The following DIAPH2 variants were observed in gnomAD, a reference collection of about 807,000 sequenced individuals.
The protein encoded by DIAPH2 is diaphanous related formin 2.
DIAPH2 carries 35 observed loss-of-function variants against 92.7 expected under a neutral mutation model. The observed-to-expected ratio is 0.38, with a 90% CI of 0.29 to 0.50. DIAPH2 has a LOEUF of 0.50. Ranked by LOEUF, DIAPH2 falls within the 20% of genes least tolerant of loss-of-function variation. The pLI, the probability that DIAPH2 is intolerant of heterozygous loss-of-function variation, is 0.94. For synonymous variants in DIAPH2, 301 were observed against 280.4 expected, an observed-to-expected ratio of 1.07 and a Z score of -0.73; for missense variants, 701 against 819.5, an observed-to-expected ratio of 0.86 and a Z score of 1.77.
chrX:97,545,533 A>AAAAAAT (rs1260118151), intron 26 of DIAPH2, among the ~76,000 whole-genome samples: 17 of 79,338 alleles, frequency 2.1e-4, no homozygotes, highest in African/African-American at 8.4e-4. Context: ...AAAAAAAAAA[A>AAAAAAT]ATATATATAT....
At chrX:96,920,458 TTAAA>T in intron 9 of DIAPH2, among the ~76,000 whole-genome samples, 1 of 112,302 alleles carries the variant, frequency 8.9e-6, no homozygotes, top group South Asian at 3.7e-4. Context: ...AAAATCTTCT[TTAAA>T]TAAATTTTTA....
At chrX:97,379,820 T>C (rs950143414) in intron 24 of DIAPH2, among the ~76,000 whole-genome samples, 1 of 111,801 alleles carries the variant, frequency 8.9e-6, no homozygotes, top group Non-Finnish European at 1.9e-5. Flanking sequence ...TTTTCAAATA[T>C]CAAGGCAAGG....
At chrX:96,903,985 G>C (rs2065416317) in intron 5 of DIAPH2, among the ~76,000 whole-genome samples, 1 of 112,359 alleles carries the variant, frequency 8.9e-6, no homozygotes, top group South Asian at 3.6e-4. Context: ...TTGTAAATAT[G>C]TAAGAGGAAT....
At chrX:97,044,243 T>C (rs745542642) in intron 17 of DIAPH2, among the ~76,000 whole-genome samples, 10 of 111,824 alleles carry the variant, frequency 8.9e-5, no homozygotes, top group African/African-American at 3.2e-4. Flanking sequence ...ATTTTTTTTT[T>C]GGTCAAACCC....
intron 23 of DIAPH2, among the ~76,000 whole-genome samples, chrX:97,251,169 T>C (rs1292535999): frequency 8.9e-6 from 1 of 111,986 alleles, no homozygotes; most frequent in Non-Finnish European, 1.9e-5. Context: ...TATAATACCA[T>C]ATTAACAAGA....
chrX:97,100,279 T>C (rs2066897656), intron 20 of DIAPH2, among the ~76,000 whole-genome samples: 1 of 111,671 alleles, frequency 9.0e-6, no homozygotes, highest in Non-Finnish European at 1.9e-5. Flanking sequence ...CATTAATTGA[T>C]TTAAAGCTTA....
intron 26 of DIAPH2, among the ~76,000 whole-genome samples, chrX:97,462,169 T>C (rs1387515446): frequency 2.7e-5 from 3 of 111,933 alleles, no homozygotes; most frequent in Admixed American, 9.5e-5. Flanking sequence ...AGCTCACATA[T>C]CCTTTTAAAT....
intron 4 of DIAPH2, among the ~76,000 whole-genome samples, chrX:96,812,907 CT>C (rs760868052): frequency 9.0e-6 from 1 of 111,701 alleles, no homozygotes; most frequent in Non-Finnish European, 1.9e-5. Context: ...GATTTCTGTT[CT>C]TTTACATTTG....
At chrX:96,862,612 C>T (rs1243259551) in intron 4 of DIAPH2, among the ~76,000 whole-genome samples, 2 of 111,989 alleles carry the variant, frequency 1.8e-5, no homozygotes, top group Non-Finnish European at 3.8e-5. Flanking sequence ...TTGACCATAT[C>T]TGGAATTTGA....
intron 26 of DIAPH2, among the ~76,000 whole-genome samples, chrX:97,584,740 G>T (rs1254820222): frequency 8.9e-6 from 1 of 112,505 alleles, no homozygotes; most frequent in East Asian, 2.8e-4. Flanking sequence ...TGAAGAGAAG[G>T]CTAGGATTGG....
chrX:96,966,440 C>T (rs1317365630), intron 17 of DIAPH2, among the ~76,000 whole-genome samples: 1 of 112,299 alleles, frequency 8.9e-6, no homozygotes, highest in Non-Finnish European at 1.9e-5. Flanking sequence ...CCTTCAATCT[C>T]AGACTTACAG....
intron 17 of DIAPH2, among the ~76,000 whole-genome samples, chrX:97,033,279 C>G (rs2066388696): frequency 8.9e-6 from 1 of 111,889 alleles, no homozygotes; most frequent in Admixed American, 9.4e-5. Flanking sequence ...AAACCAGTTT[C>G]CAACTTTAAA....
intron 26 of DIAPH2, among the ~76,000 whole-genome samples, chrX:97,485,067 A>G (rs764251522): frequency 9.0e-6 from 1 of 111,724 alleles, no homozygotes. Flanking sequence ...TGAATGTGTA[A>G]TTAAAGACCA....
chrX:96,760,151 G>A (rs764321536), intron 4 of DIAPH2, among the ~76,000 whole-genome samples: 9 of 110,885 alleles, frequency 8.1e-5, no homozygotes, highest in South Asian at 3.7e-4. Flanking sequence ...AATATTTTTC[G>A]TGGGCCAGAT....
At chrX:97,424,596 G>T (rs1053124432) in intron 25 of DIAPH2, among the ~76,000 whole-genome samples, 2 of 101,183 alleles carry the variant, frequency 2.0e-5, no homozygotes. Flanking sequence ...TTAAGCAAAG[G>T]TATTTATTTT....
chrX:96,972,716 TA>T (rs775850894), intron 17 of DIAPH2, among the ~76,000 whole-genome samples: 60 of 110,956 alleles, frequency 5.4e-4, no homozygotes, highest in Middle Eastern at 9.2e-3. Context: ...ATGGAGATCC[TA>T]GAGGTAGTAT....
At chrX:97,385,107 C>A (rs1193714221) in intron 25 of DIAPH2, among the ~76,000 whole-genome samples, 1 of 111,004 alleles carries the variant, frequency 9.0e-6, no homozygotes, top group Non-Finnish European at 1.9e-5. Context: ...AAAACAAAAT[C>A]TGAATAAGAT....
At chrX:97,092,746 G>C (rs1452915672) in intron 19 of DIAPH2, among the ~76,000 whole-genome samples, 1 of 111,821 alleles carries the variant, frequency 8.9e-6, no homozygotes, top group Non-Finnish European at 1.9e-5. Flanking sequence ...AGCTTTGGAA[G>C]CATCTGCATG....
intron 1 of DIAPH2, among the ~76,000 whole-genome samples, chrX:96,719,628 C>T (rs1165757886): frequency 1.8e-5 from 2 of 111,562 alleles, no homozygotes; most frequent in East Asian, 2.8e-4. Context: ...TTCTCTATTC[C>T]GTTCCATTGG....
Sources: gnomAD v4.1 joint callset for allele counts (sites outside exome capture counted in the v4.1 genomes callset) on GRCh38, gnomAD v4.1.1 for gene constraint, MANE v1.5 for transcripts, NCBI Gene and HGNC (gene_info 2026-07-23, HGNC 2026-07-21) for gene names.